Variants in ADAM17 observed in about 807,000 individuals in gnomAD.
ADAM17 encodes disintegrin and metalloproteinase domain-containing protein 17.
In ADAM17, 39 loss-of-function variants were observed where a neutral mutation model predicts 96.7. That is an observed-to-expected ratio of 0.40 (90% CI 0.31 to 0.53). The LOEUF is 0.53. ADAM17 is among the 20% of genes least tolerant of loss of function. The pLI is 0.44. For synonymous variants in ADAM17, 344 were observed against 359.2 expected, an observed-to-expected ratio of 0.96 and a Z score of 0.48; for missense variants, 777 against 1,013.2, an observed-to-expected ratio of 0.77 and a Z score of 3.17.
At chr2:9,495,500 G>A (rs973630743) in intron 14 of ADAM17, among the ~76,000 whole-genome samples, 1 of 152,102 alleles carries the variant, frequency 6.6e-6, no homozygotes, top group African/African-American at 2.4e-5. Context: ...ATCACTTGAG[G>A]CCAGGAGTTC....
At chr2:9,553,376 TA>T (rs796712244) in intron 1 of ADAM17, among the ~76,000 whole-genome samples, 328 of 144,100 alleles carry the variant, frequency 2.3e-3, no homozygotes, top group Middle Eastern at 3.6e-3. Context: ...ATATTTCGTT[TA>T]AAAAAAAAAA....
At position 9,490,185 on chromosome 2, in the gene ADAM17, C is replaced by CT. The variant is rs756372734; in HGVS notation, c.2466dup (p.Glu823ArgfsTer5). ...AAGAGCTGAGAACTAAATTAGCACT[C>CT]TGTTTCTTTGCTGTCAACACGATTC... On this transcript the variant is annotated frameshift_variant, in exon 19 of 19. Transcript: ENST00000310823. LOFTEE classifies it high-confidence loss of function. The CT allele has an allele frequency of 1.9e-6, 3 of 1,592,894 alleles. No homozygotes were observed. The highest frequency in any genetic ancestry group is 4.5e-5 in the East Asian group (2 of 44,278).
chr2:9,510,053 C>A lies in ADAM17; in HGVS notation c.1270G>T (p.Ala424Ser). The A allele has an allele frequency of 6.2e-7, 1 of 1,614,148 alleles. No homozygotes were observed. The highest frequency in any genetic ancestry group is 8.5e-7 in the Non-Finnish European group (1 of 1,180,002). ...EHDPDGLAEC[A>S]PNEDQGGKYV... ...TTCCCTCCCTGGTCCTCATTCGGGG[C>A]ACATTCTGCTAGACCATCCGGATCA... The change falls in exon 11 of 19, where the codon GCC (alanine) becomes TCC (serine). Residue 424 changes from alanine (A) to serine (S), a missense_variant. Around this residue, in one of 3 missense-constraint regions of ADAM17, gnomAD observed 446 missense variants for 664.7 expected, o/e 0.67. Coordinates refer to ENST00000310823, the MANE Select transcript of ADAM17 (RefSeq NM_003183.6).
At chr2:9,527,996 T>G in intron 4 of ADAM17, 42 bp from the exon 5 acceptor site, 1 of 1,313,042 alleles carries the variant, frequency 7.6e-7, no homozygotes, top group Non-Finnish European at 1.0e-6. Flanking sequence ...AAAACAATAA[T>G]AATTCCTAAA....
intron 1 of ADAM17, among the ~76,000 whole-genome samples, chr2:9,553,566 T>C (rs1665648856): frequency 6.6e-6 from 1 of 150,846 alleles, no homozygotes; most frequent in Non-Finnish European, 1.5e-5. Flanking sequence ...TCCCAGCTAC[T>C]TGGGAGGCTG....
chr2:9,509,912 C>A, intron 11 of ADAM17, 67 bp downstream of exon 11: 1 of 1,567,200 alleles, frequency 6.4e-7, no homozygotes. Flanking sequence ...CGTTTCTGAG[C>A]TCTCATTATG....
At chr2:9,536,917 G>A (rs1664982539) in intron 2 of ADAM17, 89 bp from the exon 3 acceptor site, 1 of 1,423,836 alleles carries the variant, frequency 7.0e-7, no homozygotes, top group Admixed American at 2.1e-5. Flanking sequence ...AAAGCCAGAA[G>A]CATTGACATT....
Position 9,519,208 on chromosome 2 carries a change from A to G in ADAM17, c.958-961T>C, listed in dbSNP as rs564198062. ...ACCACCATGCCTAGCCAAAACCCTC[A>G]ATGTTTAAAATGCTTTAAATGAGAG... On this transcript the variant is annotated intron_variant, in intron 8 of 18. Transcript: ENST00000310823. 2.6e-5 allele frequency among the ~76,000 whole-genome samples: 4 copies of G among 152,216 alleles called. No homozygotes were observed. In the South Asian group the frequency reaches 6.2e-4, roughly 24 times the overall value.
chr2:9,526,394 G>A, intron 5 of ADAM17, 150 bp from the exon 6 acceptor site: 2 of 815,846 alleles, frequency 2.5e-6, no homozygotes, highest in African/African-American at 1.7e-5. Flanking sequence ...AAATAATTTG[G>A]AGGAAGACAG....
At chr2:9,548,440 T>A (rs1405104409) in intron 1 of ADAM17, among the ~76,000 whole-genome samples, 1 of 149,252 alleles carries the variant, frequency 6.7e-6, no homozygotes, top group Non-Finnish European at 1.5e-5. Context: ...GCAAACCAAG[T>A]AGAAACCACT....
intron 5 of ADAM17, among the ~76,000 whole-genome samples, chr2:9,526,465 T>C (rs946603036): frequency 3.2e-4 from 49 of 152,232 alleles, no homozygotes; most frequent in African/African-American, 1.2e-3. Context: ...GACAAGTGCC[T>C]CTTTAATTTT....
At chr2:9,494,589 A>T (rs1283149109) in intron 15 of ADAM17, 48 bp downstream of exon 15, 3 of 1,601,550 alleles carry the variant, frequency 1.9e-6, no homozygotes, top group Non-Finnish European at 2.6e-6. Context: ...TACAAAATAA[A>T]AACTTCCTAT....
At chr2:9,504,565 G>A (rs1663253626) in intron 12 of ADAM17, among the ~76,000 whole-genome samples, 1 of 152,032 alleles carries the variant, frequency 6.6e-6, no homozygotes, top group Non-Finnish European at 1.5e-5. Flanking sequence ...AGGAGTTGGA[G>A]ACCATCCTGG....
chr2:9,548,933 C>T (rs1665499141), intron 1 of ADAM17, among the ~76,000 whole-genome samples: 1 of 152,220 alleles, frequency 6.6e-6, no homozygotes, highest in African/African-American at 2.4e-5. Flanking sequence ...CACTCTCCCA[C>T]TTCTCTTATA....
intron 13 of ADAM17, among the ~76,000 whole-genome samples, chr2:9,497,979 C>A (rs1371945777): frequency 6.6e-6 from 1 of 152,158 alleles, no homozygotes; most frequent in Admixed American, 6.5e-5. Context: ...TATCTCCAAT[C>A]CCTATCATAT....
chr2:9,541,286 G>C (rs1327788896), intron 2 of ADAM17, among the ~76,000 whole-genome samples: 1 of 152,128 alleles, frequency 6.6e-6, no homozygotes, highest in Non-Finnish European at 1.5e-5. Context: ...TTTTGGGTCG[G>C]GCACGGTGGC....
intron 3 of ADAM17, 89 bp from the exon 4 acceptor site, chr2:9,536,011 G>A: frequency 8.0e-6 from 7 of 871,600 alleles, no homozygotes; most frequent in Non-Finnish European, 1.1e-5. Flanking sequence ...AATCCTTCAG[G>A]GTGGAATTTG....
intron 11 of ADAM17, 94 bp downstream of exon 11, chr2:9,509,885 C>T (rs937874510): frequency 6.8e-5 from 100 of 1,471,072 alleles, no homozygotes; most frequent in Non-Finnish European, 8.7e-5. Context: ...CCTAGGGAAA[C>T]GCCTAGGAAT....
intron 18 of ADAM17, 103 bp downstream of exon 18, chr2:9,490,998 T>G: frequency 9.8e-7 from 1 of 1,021,676 alleles, no homozygotes; most frequent in East Asian, 2.4e-5. Flanking sequence ...CAACATGACC[T>G]TCCATCAGCC....
Sources: gnomAD v4.1 joint callset for allele counts (sites outside exome capture counted in the v4.1 genomes callset) on GRCh38, gnomAD v4.1.1 for gene constraint, gnomAD v4.1.1 regional missense constraint, MANE v1.5 for transcripts, NCBI Gene and HGNC (gene_info 2026-07-23, HGNC 2026-07-21) for gene names.